The following UNC13C variants were observed in gnomAD, a reference collection of about 807,000 sequenced individuals.
UNC13C encodes the protein unc-13 homolog C.
UNC13C carries 174 observed loss-of-function variants against 245.4 expected under a neutral mutation model. The ratio of observed to expected loss-of-function variants is 0.71; its 90% CI spans 0.63 to 0.80. The LOEUF is 0.80. Among genes scored for constraint, UNC13C ranks in the 30% least tolerant of loss-of-function variants. UNC13C has a pLI of 0.00. For missense variants in UNC13C, 2,829 were observed against 2,602.9 expected, an observed-to-expected ratio of 1.09 and a Z score of -1.89; for synonymous variants, 992 against 895.1, an observed-to-expected ratio of 1.11 and a Z score of -1.93.
chr15:54,235,437 G>A (rs2035667237), intron 5 of UNC13C, among the ~76,000 whole-genome samples: 1 of 152,136 alleles, frequency 6.6e-6, no homozygotes, highest in Non-Finnish European at 1.5e-5. Flanking sequence ...ATGACCAGAA[G>A]TTTAATTCAC....
chr15:54,434,727 G>A (rs2040944488), intron 19 of UNC13C, among the ~76,000 whole-genome samples: 1 of 152,016 alleles, frequency 6.6e-6, no homozygotes, highest in African/African-American at 2.4e-5. Context: ...AGCCAAAATT[G>A]ACAAATGGGA....
In UNC13C at chr15:54,624,038, G is replaced by A. The variant is rs192976962; in HGVS notation, c.6359+84G>A. The A allele has an allele frequency of 2.0e-5, 30 of 1,524,390 alleles. No homozygotes were observed. The East Asian group carries it at 5.7e-4, about 29-fold the overall frequency. 94.4% of individuals were successfully genotyped at this position (1,524,390 alleles called of 1,614,324 possible). On this transcript the variant is annotated intron_variant, in intron 32 of 32. Coordinates refer to ENST00000260323, the MANE Select transcript of UNC13C (RefSeq NM_001080534.3). The stretch of plus-strand genomic sequence containing the variant: ...TTACTGAGGGATTTGGAGTGTGAAG[G>A]GCTAAGGAAAATGAAGAAGGCTCTG...
chr15:54,557,813 C>G (rs117829807), intron 29 of UNC13C, among the ~76,000 whole-genome samples: 9,289 of 151,968 alleles, frequency 0.061, 393 homozygotes, highest in Admixed American at 0.13. Flanking sequence ...TCAAATTTCT[C>G]TTATGTACGT....
At chr15:54,138,277 A>T (rs2031834556) in intron 2 of UNC13C, among the ~76,000 whole-genome samples, 1 of 152,144 alleles carries the variant, frequency 6.6e-6, no homozygotes, top group Non-Finnish European at 1.5e-5. Context: ...GTTGGGTAGA[A>T]TATTGTGTCA....
chr15:54,627,970 A>AATC lies in UNC13C; in HGVS notation c.*859_*861dup, dbSNP rs2141325378. On this transcript the variant is annotated 3_prime_UTR_variant, in exon 33 of 33. Coordinates refer to ENST00000260323, the MANE Select transcript of UNC13C (RefSeq NM_001080534.3). ...TTCCCTCTGACAGTTATGACTCTAT[A>AATC]ATCAGTTCAATGCTTTATTTTTAAA... 1 of 152,616 alleles carries AATC rather than the reference A, an allele frequency of 6.6e-6. No homozygotes were observed. The highest frequency in any genetic ancestry group is 1.9e-4 in the East Asian group (1 of 5,186). 9.5% of individuals were successfully genotyped at this position (152,616 alleles called of 1,614,324 possible).
At chr15:53,927,851 GAGAGCC>G in the UNC13C span, among the ~76,000 whole-genome samples, 1 of 152,164 alleles carries the variant, frequency 6.6e-6, no homozygotes, top group African/African-American at 2.4e-5. Flanking sequence ...GAATTCCAGG[GAGAGCC>G]AGCTACCATC....
intron 4 of UNC13C, among the ~76,000 whole-genome samples, chr15:54,226,572 T>A (rs147952999): frequency 1.3e-5 from 2 of 152,300 alleles, no homozygotes; most frequent in African/African-American, 4.8e-5. Context: ...CCCAGCCAAC[T>A]GTGCTTGGCT....
intron 2 of UNC13C, among the ~76,000 whole-genome samples, chr15:54,118,433 G>C (rs922820531): frequency 6.6e-6 from 1 of 151,686 alleles, no homozygotes; most frequent in African/African-American, 2.4e-5. Context: ...TTGCTTTCTT[G>C]ATTTTTTATT....
chr15:54,022,195 C>T (rs2141005254), intron 2 of UNC13C, among the ~76,000 whole-genome samples: 1 of 152,312 alleles, frequency 6.6e-6, no homozygotes, highest in Admixed American at 6.5e-5. Context: ...ATATACGTTC[C>T]TACCAACAAT....
chr15:54,559,781 A>C (rs1204036351), intron 29 of UNC13C, among the ~76,000 whole-genome samples: 1 of 151,970 alleles, frequency 6.6e-6, no homozygotes, highest in Non-Finnish European at 1.5e-5. Context: ...AGCATGAGTG[A>C]CCGAAGAGAA....
At chr15:54,574,955 A>G (rs1357096778) in intron 30 of UNC13C, among the ~76,000 whole-genome samples, 3 of 152,184 alleles carry the variant, frequency 2.0e-5, no homozygotes, top group African/African-American at 7.2e-5. Context: ...AGTATATTGC[A>G]TTAATGTCAT....
At chr15:54,270,032 T>A (rs1480490750) in intron 10 of UNC13C, among the ~76,000 whole-genome samples, 4 of 152,214 alleles carry the variant, frequency 2.6e-5, no homozygotes, top group African/African-American at 9.6e-5. Flanking sequence ...TGCCAACTTT[T>A]TTAACATTAG....
intron 15 of UNC13C, 34 bp from the exon 16 acceptor site, chr15:54,333,733 A>T (rs1446863110): frequency 6.9e-7 from 1 of 1,454,650 alleles, no homozygotes; most frequent in South Asian, 1.2e-5. Context: ...TTTACTGCTG[A>T]CAACCTTATC....
intron 4 of UNC13C, among the ~76,000 whole-genome samples, chr15:54,148,314 G>A (rs2115833): frequency 0.64 from 97,099 of 152,072 alleles, 32,712 homozygotes; most frequent in Non-Finnish European, 0.75. Context: ...GAACAAGCCA[G>A]TTTTCATCCA....
At chr15:54,529,660 T>TA (rs1340138051) in intron 25 of UNC13C, among the ~76,000 whole-genome samples, 1 of 152,222 alleles carries the variant, frequency 6.6e-6, no homozygotes, top group Non-Finnish European at 1.5e-5. Flanking sequence ...AACTTCTACT[T>TA]AAAATCTGAG....
the UNC13C span, among the ~76,000 whole-genome samples, chr15:53,945,510 C>G: frequency 6.6e-6 from 1 of 151,968 alleles, no homozygotes; most frequent in Non-Finnish European, 1.5e-5. Flanking sequence ...GGTCCTTTCC[C>G]CATTGCTCAT....
At chr15:53,882,357 T>C in the UNC13C span, among the ~76,000 whole-genome samples, 1 of 152,204 alleles carries the variant, frequency 6.6e-6, no homozygotes, top group Non-Finnish European at 1.5e-5. Flanking sequence ...ACACTACTTT[T>C]GCTTATAATA....
At chr15:54,215,804 C>T (rs1416687120) in intron 4 of UNC13C, among the ~76,000 whole-genome samples, 2 of 151,982 alleles carry the variant, frequency 1.3e-5, no homozygotes, top group Non-Finnish European at 2.9e-5. Flanking sequence ...GACCACTTCT[C>T]TGTCTCCTTT....
chr15:53,963,942 A>C, the UNC13C span, among the ~76,000 whole-genome samples: 1 of 152,214 alleles, frequency 6.6e-6, no homozygotes, highest in African/African-American at 2.4e-5. Context: ...GGGATTTTCT[A>C]CATCTATTTT....
Sources: gnomAD v4.1 joint callset for allele counts (sites outside exome capture counted in the v4.1 genomes callset) on GRCh38, gnomAD v4.1.1 for gene constraint, MANE v1.5 for transcripts, NCBI Gene and HGNC (gene_info 2026-07-23, HGNC 2026-07-21) for gene names.